The following ARHGEF9 variants were observed in gnomAD, a reference collection of about 807,000 sequenced individuals.
The protein encoded by ARHGEF9 is rho guanine nucleotide exchange factor 9.
In ARHGEF9, 2 loss-of-function variants were observed where a neutral mutation model predicts 41.3. The ratio of observed to expected loss-of-function variants is 0.05; its 90% CI spans 0.02 to 0.15. The LOEUF (loss-of-function observed/expected upper bound fraction) is 0.15. Ranked by LOEUF, ARHGEF9 falls within the 10% of genes least tolerant of loss-of-function variation. The pLI, the probability that ARHGEF9 is intolerant of heterozygous loss-of-function variation, is 1.00. For synonymous variants in ARHGEF9, 160 were observed against 154.4 expected, an observed-to-expected ratio of 1.04 and a Z score of -0.27; for missense variants, 225 against 424.7, an observed-to-expected ratio of 0.53 and a Z score of 4.13.
intron 2 of ARHGEF9, among the ~76,000 whole-genome samples, chrX:63,720,346 T>A (rs1304512506): frequency 9.0e-6 from 1 of 111,694 alleles, no homozygotes; most frequent in Non-Finnish European, 1.9e-5. Flanking sequence ...GCAAAAATAG[T>A]TGGAAAAAGT....
chrX:63,755,316 A>C, intron 1 of ARHGEF9: 2 of 802,224 alleles, frequency 2.5e-6, no homozygotes, highest in Non-Finnish European at 3.2e-6. Flanking sequence ...CTCCCAAGCA[A>C]GCTCGCTCTC....
chrX:63,690,219 G>T (rs1287330241), intron 4 of ARHGEF9, among the ~76,000 whole-genome samples: 1 of 109,864 alleles, frequency 9.1e-6, no homozygotes, highest in East Asian at 2.8e-4. Context: ...TGTTTTTTTT[G>T]AAAAGATACT....
chrX:63,768,992 A>T (rs1556453083), intron 1 of ARHGEF9, among the ~76,000 whole-genome samples: 1 of 112,151 alleles, frequency 8.9e-6, no homozygotes, highest in Non-Finnish European at 1.9e-5. Context: ...TGCTACTAAA[A>T]AAAAATCCCA....
chrX:63,712,502 G>A (rs185184624), intron 2 of ARHGEF9, among the ~76,000 whole-genome samples: 291 of 111,396 alleles, frequency 2.6e-3, no homozygotes, highest in African/African-American at 8.6e-3. Flanking sequence ...ATAAGTATGC[G>A]AGATGATGAT....
intron 4 of ARHGEF9, among the ~76,000 whole-genome samples, chrX:63,686,370 G>A: frequency 9.0e-6 from 1 of 111,255 alleles, no homozygotes; most frequent in Non-Finnish European, 1.9e-5. Flanking sequence ...GTGTGAGCAG[G>A]TGAGAAGGGA....
chrX:63,684,664 C>T (rs1309983558), intron 4 of ARHGEF9, among the ~76,000 whole-genome samples: 4 of 110,029 alleles, frequency 3.6e-5, no homozygotes, highest in African/African-American at 1.3e-4. Flanking sequence ...AAGAAACTGT[C>T]GGGTGTATAT....
At chrX:63,779,008 C>G (rs1477802735) in intron 1 of ARHGEF9, among the ~76,000 whole-genome samples, 1 of 111,976 alleles carries the variant, frequency 8.9e-6, no homozygotes. Context: ...TAAGATAATA[C>G]TGAGAATAAA....
intron 6 of ARHGEF9, among the ~76,000 whole-genome samples, chrX:63,672,787 T>G (rs782514269): frequency 5.4e-5 from 6 of 110,156 alleles, no homozygotes; most frequent in Non-Finnish European, 1.1e-4. Context: ...AATTTTAGAG[T>G]GTCTTAGAGT....
At chrX:63,715,428 G>T (rs1428112961) in intron 2 of ARHGEF9, among the ~76,000 whole-genome samples, 1 of 109,414 alleles carries the variant, frequency 9.1e-6, no homozygotes. Flanking sequence ...GCAATTATTT[G>T]ACAGACATTT....
intron 8 of ARHGEF9, among the ~76,000 whole-genome samples, chrX:63,648,119 G>A (rs1283747357): frequency 2.7e-5 from 3 of 110,553 alleles, no homozygotes; most frequent in African/African-American, 6.6e-5. Context: ...GATATTCCTC[G>A]AAAAGAGCAA....
chrX:63,771,026 C>T (rs1198798485), intron 1 of ARHGEF9, among the ~76,000 whole-genome samples: 1 of 112,396 alleles, frequency 8.9e-6, no homozygotes, highest in Non-Finnish European at 1.9e-5. Flanking sequence ...ACCACATAAA[C>T]GCCAACATCT....
intron 8 of ARHGEF9, among the ~76,000 whole-genome samples, chrX:63,647,056 C>T (rs1440644932): frequency 9.0e-6 from 1 of 111,555 alleles, no homozygotes; most frequent in Non-Finnish European, 1.9e-5. Flanking sequence ...TATAAGAATG[C>T]TTGTGATTTT....
chrX:63,773,222 A>C (rs1602746971), intron 1 of ARHGEF9, among the ~76,000 whole-genome samples: 1 of 112,372 alleles, frequency 8.9e-6, no homozygotes, highest in East Asian at 2.8e-4. Context: ...ATATCTTAAG[A>C]AGAAGCTCCT....
chrX:63,707,537 C>T (rs1306275474), intron 2 of ARHGEF9: 1 of 110,456 alleles, frequency 9.1e-6, no homozygotes, highest in Non-Finnish European at 1.9e-5. Flanking sequence ...AGGGTGGGCC[C>T]GCTTGGCAGA....
intron 3 of ARHGEF9, among the ~76,000 whole-genome samples, chrX:63,704,238 G>A (rs1315262178): frequency 8.9e-6 from 1 of 112,277 alleles, no homozygotes; most frequent in Non-Finnish European, 1.9e-5. Context: ...TGTAATATAG[G>A]TATCATTTTG....
intron 1 of ARHGEF9, among the ~76,000 whole-genome samples, chrX:63,784,617 TGG>T (rs1423298328): frequency 8.9e-6 from 1 of 111,805 alleles, no homozygotes; most frequent in Non-Finnish European, 1.9e-5. Flanking sequence ...CCTCATGCTC[TGG>T]GGCTGACCAG....
chrX:63,690,708 T>C (rs2051287947), intron 4 of ARHGEF9, among the ~76,000 whole-genome samples: 1 of 111,964 alleles, frequency 8.9e-6, no homozygotes, highest in South Asian at 3.7e-4. Flanking sequence ...CCAATATTAC[T>C]GGCAAACATA....
At chrX:63,645,896 T>A (rs1371415831) in intron 8 of ARHGEF9, among the ~76,000 whole-genome samples, 1 of 111,932 alleles carries the variant, frequency 8.9e-6, no homozygotes, top group Non-Finnish European at 1.9e-5. Context: ...ACCTGTTGTT[T>A]CCTGACTTTT....
chrX:63,652,167 C>T (rs2048586149), intron 8 of ARHGEF9, among the ~76,000 whole-genome samples: 1 of 111,509 alleles, frequency 9.0e-6, no homozygotes, highest in South Asian at 3.7e-4. Flanking sequence ...CAATCAGATA[C>T]GTACATGGAT....
Sources: gnomAD v4.1 joint callset for allele counts (sites outside exome capture counted in the v4.1 genomes callset) on GRCh38, gnomAD v4.1.1 for gene constraint, MANE v1.5 for transcripts, NCBI Gene and HGNC (gene_info 2026-07-23, HGNC 2026-07-21) for gene names.